The following C11orf54 variants were observed in gnomAD, a reference collection of about 807,000 sequenced individuals.
The protein encoded by C11orf54 is beta-keto-L-gulonate decarboxylase, also known as beta-keto L-gulonate decarboxylase.
In C11orf54, 29 loss-of-function variants were observed where a neutral mutation model predicts 35.5. The observed-to-expected ratio is 0.82, with a 90% CI of 0.61 to 1.11. The LOEUF is 1.11. Ranked by LOEUF, C11orf54 falls within the 50% of genes most tolerant of loss-of-function variation. C11orf54 has a pLI of 0.00. For missense variants in C11orf54, 373 were observed against 369.2 expected (o/e 1.01, Z -0.08); for synonymous variants, 108 against 121.1 (o/e 0.89, Z 0.71).
chr11:93,749,504 CAAAA>C (rs10624807), intron 2 of C11orf54, among the ~76,000 whole-genome samples: 2 of 71,742 alleles, frequency 2.8e-5, no homozygotes, highest in South Asian at 6.7e-4. Context: ...GACTCTGTCT[CAAAA>C]AAAAAAAAAA....
rs377564966 is a variant in C11orf54, at chr11:93,750,386, G to C, written c.96G>C (p.Gln32His). The C allele has an allele frequency of 1.2e-6, 2 of 1,613,800 alleles. No individual in the cohort carries two copies. Among genetic ancestry groups the C allele is most frequent in the Non-Finnish European group, 1.7e-6 (2 of 1,179,868 alleles). Residue 32 changes from glutamine to histidine, a missense_variant, in exon 3 of 9, where the codon CAG becomes CAC. Gln to His is a conservative substitution (Grantham distance 24). Transcript: ENST00000354421. ...KGLKDNFADVQVSVVDCPDLT... is the reference protein window; with the variant it reads ...KGLKDNFADVHVSVVDCPDLT... ...TAAAAGATAACTTTGCTGATGTCCAGGTCTCTGTAGTTGATTGCCCTGATT... is the reference window on the plus strand; with the variant it reads ...TAAAAGATAACTTTGCTGATGTCCACGTCTCTGTAGTTGATTGCCCTGATT...
At chr11:93,753,424 C>T (rs1169901291) in intron 3 of C11orf54, among the ~76,000 whole-genome samples, 1 of 152,102 alleles carries the variant, frequency 6.6e-6, no homozygotes, top group Non-Finnish European at 1.5e-5. Context: ...AAACTTTGGC[C>T]CCAGTTCTAA....
intron 6 of C11orf54, among the ~76,000 whole-genome samples, chr11:93,756,109 G>C (rs547887576): frequency 1.0e-3 from 146 of 145,196 alleles, no homozygotes; most frequent in African/African-American, 3.7e-3. Context: ...AGAGGTTGCA[G>C]TGAGCCAAGA....
chr11:93,742,173 G>GT (rs1942116882), intron 1 of C11orf54: 1 of 152,796 alleles, frequency 6.5e-6, no homozygotes, highest in Non-Finnish European at 1.5e-5. Context: ...TTTTTCCTAA[G>GT]TTTCCTCCTA....
chr11:93,743,387 C>G (rs1942256741), intron 1 of C11orf54, among the ~76,000 whole-genome samples: 1 of 152,238 alleles, frequency 6.6e-6, no homozygotes, highest in South Asian at 2.1e-4. Context: ...GGATATTCCT[C>G]TGACCCCTTC....
At chr11:93,744,427 C>T (rs996990966) in intron 1 of C11orf54, among the ~76,000 whole-genome samples, 1 of 152,176 alleles carries the variant, frequency 6.6e-6, no homozygotes, top group African/African-American at 2.4e-5. Flanking sequence ...AACTTGTGTT[C>T]TTATTCCTAC....
At chr11:93,752,215 G>A (rs553231299) in intron 3 of C11orf54, among the ~76,000 whole-genome samples, 1 of 152,196 alleles carries the variant, frequency 6.6e-6, no homozygotes, top group South Asian at 2.1e-4. Context: ...TCAGTAATTT[G>A]TGAGTCTTTA....
intron 7 of C11orf54, among the ~76,000 whole-genome samples, chr11:93,758,479 T>A (rs618801): frequency 0.55 from 84,317 of 152,108 alleles, 24,788 homozygotes; most frequent in Admixed American, 0.69. Flanking sequence ...GACCCAGGCA[T>A]TCCTGCATTC....
intron 2 of C11orf54, among the ~76,000 whole-genome samples, chr11:93,749,503 T>G (rs1308838367): frequency 1.6e-4 from 1 of 6,362 alleles, no homozygotes; most frequent in Admixed American, 2.1e-3. Context: ...AGACTCTGTC[T>G]CAAAAAAAAA....
intron 6 of C11orf54, 77 bp downstream of exon 6, chr11:93,755,463 A>C (rs552907607): frequency 1.3e-6 from 2 of 1,490,168 alleles, no homozygotes; most frequent in African/African-American, 2.8e-5. Context: ...ACTGCCATAA[A>C]TATGGTTTTG....
rs570917123 is a variant in C11orf54 at position 93,755,466 on chromosome 11, T to G, written c.507+80T>G. The G allele has an allele frequency of 1.1e-4, 163 of 1,477,326 alleles. 3 individuals are homozygous for G. The South Asian group carries it at 1.9e-3, about 17-fold the overall frequency. The allele number at this position is 1,477,326 out of a possible 1,614,324, so 91.5% of individuals were successfully genotyped here. On this transcript the variant is annotated intron_variant, in intron 6 of 8. Coordinates refer to ENST00000354421, the MANE Select transcript of C11orf54 (RefSeq NM_001286069.2). ...ATGTGAACTTTTACTGCCATAAATA[T>G]GGTTTTGCTAAGAAAATTAGTTTCC...
At chr11:93,754,529 T>G (rs934074146) in intron 5 of C11orf54, among the ~76,000 whole-genome samples, 1 of 152,140 alleles carries the variant, frequency 6.6e-6, no homozygotes, top group Non-Finnish European at 1.5e-5. Flanking sequence ...TATTACTGTT[T>G]CTTTGAATCT....
chr11:93,754,042 G>A lies in C11orf54; in HGVS notation c.330+5G>A. On this transcript the variant is annotated splice_donor_5th_base_variant and intron_variant, in intron 5 of 8. Coordinates refer to ENST00000354421, the MANE Select transcript of C11orf54 (RefSeq NM_001286069.2). ...ACTCTCGGGTTCAATTCTGAGGTCA[G>A]CATATATAAGAAAATTATTTTACTT... is the stretch of plus-strand genomic sequence containing the variant. 2 of 1,603,550 alleles carry A rather than the reference G, an allele frequency of 1.2e-6. No individual in the cohort carries two copies. Among genetic ancestry groups the A allele is most frequent in the Non-Finnish European group, 1.7e-6 (2 of 1,175,188 alleles).
intron 1 of C11orf54, 157 bp downstream of exon 1, chr11:93,741,885 T>C: frequency 4.6e-6 from 1 of 215,486 alleles, no homozygotes; most frequent in South Asian, 5.4e-5. Flanking sequence ...CTAAATCTGG[T>C]CCCGGGTGTG....
At chr11:93,750,116 C>T (rs146152328) in intron 2 of C11orf54, among the ~76,000 whole-genome samples, 148 of 152,308 alleles carry the variant, frequency 9.7e-4, no homozygotes, top group Non-Finnish European at 1.7e-3. Context: ...GGCTGTTTAT[C>T]TTCAACAGTT....
At chr11:93,746,149 A>G (rs189526751) in intron 1 of C11orf54, 1 of 152,402 alleles carries the variant, frequency 6.6e-6, no homozygotes, top group Non-Finnish European at 1.5e-5. Context: ...GGAAAGTACC[A>G]GAACTAGAAA....
Position 93,763,696 on chromosome 11 carries a change from C to T in C11orf54, c.*2008C>T, listed in dbSNP as rs1943561548. 6.6e-6 allele frequency: 1 copy of T among 152,106 alleles called. No homozygotes were observed. Among genetic ancestry groups the T allele is most frequent in the Non-Finnish European group, 1.5e-5 (1 of 68,086 alleles). 9.4% of individuals were successfully genotyped at this position (152,106 alleles called of 1,614,324 possible). On this transcript the variant is annotated 3_prime_UTR_variant, in exon 9 of 9. Coordinates refer to ENST00000354421, the MANE Select transcript of C11orf54 (RefSeq NM_001286069.2). The stretch of plus-strand genomic sequence containing the variant: ...ACTTGAGCCCAGAAGTTGGAGGCTA[C>T]AGTGAGCTATGATTGTTTCATTGCA...
chr11:93,752,157 G>C (rs1431592338), intron 3 of C11orf54, among the ~76,000 whole-genome samples: 1 of 151,978 alleles, frequency 6.6e-6, no homozygotes, highest in African/African-American at 2.4e-5. Context: ...AAAATGGTTA[G>C]TCTTAATTTT....
chr11:93,756,167 C>CAAAAAA (rs1210508995), intron 6 of C11orf54, among the ~76,000 whole-genome samples: 21 of 26,992 alleles, frequency 7.8e-4, no homozygotes, highest in African/African-American at 1.6e-3. Flanking sequence ...ACTCTGTCTC[C>CAAAAAA]AAAAAAAAAA....
Sources: allele counts gnomAD v4.1 joint callset (sites outside exome capture counted in the v4.1 genomes callset), GRCh38; gene constraint gnomAD v4.1.1; transcripts MANE v1.5; gene names NCBI Gene and HGNC (gene_info 2026-07-23, HGNC 2026-07-21).